The following SLC7A2 variants were observed in gnomAD, a reference collection of about 807,000 sequenced individuals.
SLC7A2 encodes the protein solute carrier family 7 member 2.
A neutral mutation model predicts 58.9 loss-of-function variants in SLC7A2; 48 were observed. The observed-to-expected ratio is 0.82, with a 90% confidence interval of 0.65 to 1.04. The LOEUF is 1.04. Ranked by LOEUF, SLC7A2 falls within the 50% of genes least tolerant of loss-of-function variation. The pLI is 0.00. For missense variants in SLC7A2, 1,029 were observed against 818.8 expected, an observed-to-expected ratio of 1.26 and a Z score of -3.13; for synonymous variants, 363 against 314.5, an observed-to-expected ratio of 1.15 and a Z score of -1.63.
chr8:17,515,805 C>G (rs1257867136), intron 2 of SLC7A2, among the ~76,000 whole-genome samples: 2 of 152,198 alleles, frequency 1.3e-5, no homozygotes, highest in African/African-American at 4.8e-5. Context: ...TAATACCCTT[C>G]TAACTAAAAC....
intron 1 of SLC7A2, among the ~76,000 whole-genome samples, chr8:17,500,766 G>C (rs1008267834): frequency 3.3e-5 from 5 of 151,470 alleles, no homozygotes; most frequent in African/African-American, 1.2e-4. Flanking sequence ...TCCAGCCTGG[G>C]TGACTGAGCG....
chr8:17,569,508 T>C lies in SLC7A2; in HGVS notation c.*4362T>C, dbSNP rs139870095. On this transcript the variant is annotated 3_prime_UTR_variant, in exon 13 of 13. Transcript: ENST00000494857. ...TTTTTTAGTCATATAGATATGAAAA[T>C]AAGTTCATATAGATATGAAATTGCT... The C allele has an allele frequency of 1.3e-5, 2 of 152,318 alleles. No homozygotes were observed. Among genetic ancestry groups the C allele is most frequent in the Non-Finnish European group, 2.9e-5 (2 of 68,024 alleles). 9.4% of individuals were successfully genotyped at this position (152,318 alleles called of 1,614,324 possible). A position where few individuals can be genotyped will look rare whatever the true frequency, so the allele number is the denominator to read the frequency against.
At chr8:17,521,780 T>C (rs149276056) in intron 2 of SLC7A2, among the ~76,000 whole-genome samples, 123 of 152,324 alleles carry the variant, frequency 8.1e-4, no homozygotes, top group African/African-American at 2.8e-3. Context: ...GAATTATGCA[T>C]TGCTAGCATA....
At chr8:17,510,041 G>A (rs1041769263) in intron 2 of SLC7A2, among the ~76,000 whole-genome samples, 1 of 151,934 alleles carries the variant, frequency 6.6e-6, no homozygotes, top group Non-Finnish European at 1.5e-5. Flanking sequence ...ACAACATGAT[G>A]AAACCACGTC....
In SLC7A2 at chr8:17,546,586, C is replaced by A. The variant is rs759626816; in HGVS notation, c.532+1980C>A. 4.3e-4 allele frequency among the ~76,000 whole-genome samples: 65 copies of A among 152,240 alleles called. 1 individual carries two copies. Among genetic ancestry groups the A allele is most frequent in the Non-Finnish European group, 8.2e-4 (56 of 68,012 alleles). ...GAAATATAAAGGTGGCTTTGTTATT[C>A]TCTGAGGTATATAGCAGTGGTTCCT... is the stretch of plus-strand genomic sequence containing the variant. On this transcript the variant is annotated intron_variant, in intron 4 of 12. Transcript: ENST00000494857.
At chr8:17,524,327 T>G (rs1801133203) in intron 2 of SLC7A2, among the ~76,000 whole-genome samples, 1 of 152,072 alleles carries the variant, frequency 6.6e-6, no homozygotes, top group African/African-American at 2.4e-5. Flanking sequence ...TAGCACAATT[T>G]GCAATTGCAA....
intron 2 of SLC7A2, among the ~76,000 whole-genome samples, chr8:17,536,631 A>G (rs1801678855): frequency 6.6e-6 from 1 of 152,140 alleles, no homozygotes; most frequent in Non-Finnish European, 1.5e-5. Flanking sequence ...TAAAGGGCAG[A>G]ACTAATGCAG....
At chr8:17,550,928 G>A (rs1161366374) in intron 6 of SLC7A2, among the ~76,000 whole-genome samples, 1 of 152,128 alleles carries the variant, frequency 6.6e-6, no homozygotes, top group African/African-American at 2.4e-5. Context: ...ACGTCATAGT[G>A]TGGCCATACA....
rs781575189 is a variant in SLC7A2, at chr8:17,543,386, G to T, written c.47G>T (p.Arg16Leu). Reference protein sequence around the residue: ...AALTFARCLIRRKIVTLDSLE... With the variant: ...AALTFARCLILRKIVTLDSLE... ...CTGACCTTTGCCCGATGTCTGATCC[G>T]GAGAAAAATCGTGACCCTGGACAGT... Residue 16 changes from arginine (R) to leucine (L), a missense_variant, in exon 3 of 13, where the codon CGG becomes CTG. Transcript: ENST00000494857. The T allele has an allele frequency of 3.7e-6, 6 of 1,614,066 alleles. No individual in the cohort carries two copies. The highest frequency in any genetic ancestry group is 4.2e-6 in the Non-Finnish European group (5 of 1,179,978).
intron 2 of SLC7A2, among the ~76,000 whole-genome samples, chr8:17,527,977 C>T (rs1023918658): frequency 2.0e-5 from 3 of 151,974 alleles, no homozygotes; most frequent in South Asian, 2.1e-4. Context: ...AACAGGGTGA[C>T]CTAATTTAGC....
At chr8:17,525,649 A>G (rs930409439) in intron 2 of SLC7A2, among the ~76,000 whole-genome samples, 1 of 152,190 alleles carries the variant, frequency 6.6e-6, no homozygotes, top group Non-Finnish European at 1.5e-5. Context: ...TCATGGTAGA[A>G]TCCTACATGC....
At chr8:17,512,349 C>A (rs927717580) in intron 2 of SLC7A2, among the ~76,000 whole-genome samples, 1 of 152,100 alleles carries the variant, frequency 6.6e-6, no homozygotes, top group Non-Finnish European at 1.5e-5. Flanking sequence ...GAGTTTAAGA[C>A]CAGCTTGACC....
At chr8:17,510,145 G>T in intron 2 of SLC7A2, among the ~76,000 whole-genome samples, 1 of 152,012 alleles carries the variant, frequency 6.6e-6, no homozygotes, top group East Asian at 1.9e-4. Context: ...GCTTGAACCT[G>T]GGAGGCAGAG....
chr8:17,554,631 G>A lies in SLC7A2; in HGVS notation c.1127G>A (p.Cys376Tyr). Residue 376 changes from cysteine (C) to tyrosine (Y), a missense_variant, in exon 8 of 13, where the codon TGT becomes TAT. Transcript: ENST00000494857. ...GCGGAGGATGGGTTGCTTTTCAAAT[G>A]TCTAGCTCAAATCAATTCCAAAACG... Reference protein sequence around the residue: ...AMAEDGLLFKCLAQINSKTKT... With the variant: ...AMAEDGLLFKYLAQINSKTKT... 6.2e-7 allele frequency: 1 copy of A among 1,613,572 alleles called. No individual in the cohort carries two copies. The highest frequency in any genetic ancestry group is 8.5e-7 in the Non-Finnish European group (1 of 1,179,886).
Position 17,528,032 on chromosome 8 carries a change from G to C in SLC7A2, c.-22-15286G>C, listed in dbSNP as rs189871177. On this transcript the variant is annotated intron_variant, in intron 2 of 12. Transcript: ENST00000494857. ...GATTGGGAGCCATCCAGGCGAAGAG[G>C]GGAAGGAGTAACCTTCCAGGAAGAA... Among the ~76,000 whole-genome samples the C allele has an allele frequency of 3.8e-3, 580 of 152,214 alleles. 2 individuals are homozygous for C. Among genetic ancestry groups the C allele is most frequent in the African/African-American group, 0.013 (542 of 41,510 alleles).
At chr8:17,552,853 G>A (rs1802516399) in intron 7 of SLC7A2, among the ~76,000 whole-genome samples, 1 of 152,282 alleles carries the variant, frequency 6.6e-6, no homozygotes, top group African/African-American at 2.4e-5. Flanking sequence ...CTTGCAAAGA[G>A]AAAATTAATC....
At chr8:17,564,784 C>G (rs551511952) in intron 12 of SLC7A2, among the ~76,000 whole-genome samples, 166 bp from the exon 13 acceptor site, 1 of 152,286 alleles carries the variant, frequency 6.6e-6, no homozygotes, top group African/African-American at 2.4e-5. Context: ...GGCCTGGTTC[C>G]TAACAATAGT....
chr8:17,494,707 A>T (rs1191805219), upstream of SLC7A2, among the ~76,000 whole-genome samples: 2 of 152,230 alleles, frequency 1.3e-5, no homozygotes, highest in Non-Finnish European at 2.9e-5. Context: ...TCATCTAAAC[A>T]CATTTTTAAA....
intron 2 of SLC7A2, among the ~76,000 whole-genome samples, chr8:17,533,361 A>C (rs1172543848): frequency 1.3e-5 from 2 of 152,212 alleles, no homozygotes; most frequent in African/African-American, 4.8e-5. Context: ...TTTCAGCAAA[A>C]CCATAAATCT....
Sources: gnomAD v4.1 joint callset for allele counts (sites outside exome capture counted in the v4.1 genomes callset) on GRCh38, gnomAD v4.1.1 for gene constraint, MANE v1.5 for transcripts, NCBI Gene and HGNC (gene_info 2026-07-23, HGNC 2026-07-21) for gene names.